PCDH15: variants seen among roughly 807,000 people sequenced by gnomAD.
PCDH15 encodes the protein protocadherin related 15.
In PCDH15, 129 loss-of-function variants were observed where a neutral mutation model predicts 178.5. That is an observed-to-expected ratio of 0.72 (90% confidence interval 0.63 to 0.84). The LOEUF is 0.84. Among genes scored for constraint, PCDH15 ranks in the 40% least tolerant of loss-of-function variants. The probability of loss-of-function intolerance (pLI) is 0.00; values close to 1 mark genes in which losing one functional copy is unlikely to be tolerated. For synonymous variants in PCDH15, 800 were observed against 732.0 expected (o/e 1.09, Z -1.50); for missense variants, 2,230 against 2,099.9 (o/e 1.06, Z -1.21).
intron 3 of PCDH15, among the ~76,000 whole-genome samples, chr10:54,406,399 C>G (rs924378835): frequency 6.6e-6 from 1 of 151,948 alleles, no homozygotes; most frequent in African/African-American, 2.4e-5. Context: ...TCCTTAAGGG[C>G]CAGATATTAA....
At chr10:54,043,530 G>T (rs577832611) in intron 18 of PCDH15, among the ~76,000 whole-genome samples, 1 of 152,040 alleles carries the variant, frequency 6.6e-6, no homozygotes, top group East Asian at 1.9e-4. Context: ...TGGGACTACA[G>T]GTATGCACCA....
intron 2 of PCDH15, among the ~76,000 whole-genome samples, chr10:55,385,704 T>TAA (rs1321544787): frequency 1.1e-3 from 165 of 145,586 alleles, no homozygotes; most frequent in African/African-American, 3.9e-3. Context: ...TATATATATA[T>TAA]ATATATATAT....
intron 36 of PCDH15, 124 bp from the exon 37 acceptor site, chr10:53,810,788 C>G: frequency 1.1e-6 from 1 of 874,366 alleles, no homozygotes; most frequent in Non-Finnish European, 1.9e-6. Flanking sequence ...CAGCACCTAT[C>G]AGGCTCCTTG....
At chr10:55,373,106 G>A (rs1381805155) in intron 2 of PCDH15, among the ~76,000 whole-genome samples, 2 of 152,094 alleles carry the variant, frequency 1.3e-5, no homozygotes, top group Non-Finnish European at 2.9e-5. Flanking sequence ...AAACCTACCA[G>A]ACAGGTTTAT....
intron 5 of PCDH15, among the ~76,000 whole-genome samples, chr10:54,357,910 G>A: frequency 6.6e-6 from 1 of 151,498 alleles, no homozygotes; most frequent in East Asian, 1.9e-4. Context: ...ACAAGAAATG[G>A]GGAAAGGATT....
At chr10:55,466,604 T>A (rs1839835942) in intron 2 of PCDH15, among the ~76,000 whole-genome samples, 1 of 151,804 alleles carries the variant, frequency 6.6e-6, no homozygotes, top group Admixed American at 6.6e-5. Context: ...CAAATTAGAA[T>A]AAAAATAGAA....
intron 2 of PCDH15, among the ~76,000 whole-genome samples, chr10:54,607,329 T>G (rs190295256): frequency 6.6e-6 from 1 of 152,190 alleles, no homozygotes. Flanking sequence ...TCTTCTAAAT[T>G]TAATAATATT....
rs1353754231 is a variant in PCDH15 at position 54,240,660 on chromosome 10, A to C, written c.877-3729T>G. Among the ~76,000 whole-genome samples the C allele has an allele frequency of 1.4e-4, 15 of 109,114 alleles. No homozygotes were observed. The South Asian group carries it at 3.3e-3, about 24-fold the overall frequency. The allele number at this position is 109,114 out of a possible 152,430, so 71.6% of individuals were successfully genotyped here. On this transcript the variant is annotated intron_variant, in intron 8 of 37. Transcript: ENST00000644397. ...TTTTTTTTTTTTTTTGAGACAGAGT[A>C]TCGCTCTGTTGCCCAGGCTGGAGTG...
intron 15 of PCDH15, among the ~76,000 whole-genome samples, chr10:54,105,247 T>G (rs2094891164): frequency 6.9e-6 from 1 of 144,008 alleles, no homozygotes; most frequent in South Asian, 2.2e-4. Context: ...TAACAAGAGA[T>G]ATAGATATAG....
At chr10:55,434,159 C>A (rs1838970773) in intron 2 of PCDH15, among the ~76,000 whole-genome samples, 1 of 136,728 alleles carries the variant, frequency 7.3e-6, no homozygotes, top group South Asian at 2.4e-4. Context: ...AGGCTCACTG[C>A]AAGCTCCGCC....
chr10:55,571,899 A>G (rs1192699635), intron 2 of PCDH15, among the ~76,000 whole-genome samples: 1 of 152,112 alleles, frequency 6.6e-6, no homozygotes, highest in Non-Finnish European at 1.5e-5. Context: ...GCAAAGCAAT[A>G]AAAGTGTGTA....
At chr10:54,697,857 T>C (rs952148194) in intron 1 of PCDH15, among the ~76,000 whole-genome samples, 2 of 152,114 alleles carry the variant, frequency 1.3e-5, no homozygotes, top group East Asian at 3.9e-4. Flanking sequence ...ATAAAAACGT[T>C]CTCACCTATT....
intron 2 of PCDH15, among the ~76,000 whole-genome samples, chr10:55,009,163 T>C (rs1307546649): frequency 6.6e-6 from 1 of 152,248 alleles, no homozygotes; most frequent in East Asian, 1.9e-4. Flanking sequence ...TAGCAGTTTT[T>C]AATGTAGCAT....
At chr10:53,868,768 T>C (rs1001126248) in intron 26 of PCDH15, among the ~76,000 whole-genome samples, 5 of 152,198 alleles carry the variant, frequency 3.3e-5, no homozygotes, top group African/African-American at 1.2e-4. Flanking sequence ...TAATTTAAAC[T>C]ACTCAACACA....
At chr10:53,892,719 G>A (rs891805599) in intron 26 of PCDH15, among the ~76,000 whole-genome samples, 6 of 152,128 alleles carry the variant, frequency 3.9e-5, no homozygotes, top group Non-Finnish European at 7.3e-5. Context: ...AACTAGTACA[G>A]GAGAAAATGC....
At chr10:54,431,624 A>G (rs2136006497) in intron 3 of PCDH15, among the ~76,000 whole-genome samples, 1 of 152,304 alleles carries the variant, frequency 6.6e-6, no homozygotes, top group African/African-American at 2.4e-5. Flanking sequence ...TAAAAGCTAT[A>G]TATAACAGAC....
At chr10:55,538,700 A>C (rs571860869) in intron 2 of PCDH15, among the ~76,000 whole-genome samples, 53 of 3,610 alleles carry the variant, frequency 0.015, 12 homozygotes, top group Admixed American at 0.02. Context: ...TCCTTCTTTC[A>C]TTAAAACATC....
intron 21 of PCDH15, among the ~76,000 whole-genome samples, chr10:53,992,493 A>C (rs1015117268): frequency 1.3e-5 from 2 of 152,198 alleles, no homozygotes; most frequent in African/African-American, 4.8e-5. Context: ...CACTTGTTGG[A>C]GATGAAGTGA....
At position 54,022,321 on chromosome 10, in the gene PCDH15, C is replaced by A. The variant is rs1252450729; in HGVS notation, c.2526+571G>T. ...GGAGAGTTAGATTACTAGAAGATGG[C>A]TTTTGTGTATTGAATGTGAAAACAA... On this transcript the variant is annotated intron_variant, in intron 19 of 37. Coordinates refer to ENST00000644397, the MANE Select transcript of PCDH15 (RefSeq NM_001384140.1). Among the ~76,000 whole-genome samples, 3 of 119,072 alleles carry A rather than the reference C, an allele frequency of 2.5e-5. No individual in the cohort carries two copies. The Admixed American group carries it at 2.9e-4, about 11-fold the overall frequency. The allele number at this position is 119,072 out of a possible 152,430, so 78.1% of individuals were successfully genotyped here. A position where few individuals can be genotyped will look rare whatever the true frequency, so the allele number is the denominator to read the frequency against.
Sources: allele counts gnomAD v4.1 joint callset (sites outside exome capture counted in the v4.1 genomes callset), GRCh38; gene constraint gnomAD v4.1.1; transcripts MANE v1.5; gene names NCBI Gene and HGNC (gene_info 2026-07-23, HGNC 2026-07-21).